LHPP: variants seen among roughly 807,000 people sequenced by gnomAD.
LHPP encodes phospholysine phosphohistidine inorganic pyrophosphate phosphatase, also known as hLHPP.
LHPP carries 24 observed loss-of-function variants against 30.3 expected under a neutral mutation model. The observed-to-expected ratio is 0.79, with a 90% confidence interval of 0.57 to 1.11. The LOEUF is 1.11. Ranked by LOEUF, LHPP falls within the 50% of genes most tolerant of loss-of-function variation. The pLI is 0.00. For synonymous variants in LHPP, 150 were observed against 157.1 expected (o/e 0.95, Z 0.34); for missense variants, 356 against 367.2 (o/e 0.97, Z 0.25).
chr10:124,496,460 C>T lies in LHPP; in HGVS notation c.468-501C>T, dbSNP rs186959315. ...CATCTGGCGCCCATGAAACCTGGCA[C>T]CTCGCTTGACCTCCGGCTAACGGGA... On this transcript the variant is annotated intron_variant, in intron 3 of 6. Coordinates refer to ENST00000368842, the MANE Select transcript of LHPP (RefSeq NM_022126.4). The surrounding 1 kb of genome is among the most constrained non-coding windows in gnomAD (Gnocchi z 4.3). Among the ~76,000 whole-genome samples the T allele has an allele frequency of 6.6e-6, 1 of 152,322 alleles. No individual in the cohort carries two copies. Among genetic ancestry groups the T allele is most frequent in the Admixed American group, 6.5e-5 (1 of 15,304 alleles).
rs1953723585 is a variant in LHPP at position 124,496,758 on chromosome 10, C to T, written c.468-203C>T. 6.6e-6 allele frequency among the ~76,000 whole-genome samples: 1 copy of T among 152,242 alleles called. No individual in the cohort carries two copies. Among genetic ancestry groups the T allele is most frequent in the Admixed American group, 6.5e-5 (1 of 15,286 alleles). On this transcript the variant is annotated intron_variant, in intron 3 of 6. Coordinates refer to ENST00000368842, the MANE Select transcript of LHPP (RefSeq NM_022126.4). The surrounding 1 kb of genome is among the most constrained non-coding windows in gnomAD (Gnocchi z 4.3). ...TGGAGCTGCTGGCTGCTGCGCTCGC[C>T]CCACTGGGTGTGGCGGCCTGCCGCC...
chr10:124,585,634 G>GA (rs1413530633), intron 6 of LHPP, among the ~76,000 whole-genome samples: 2 of 150,234 alleles, frequency 1.3e-5, no homozygotes. Flanking sequence ...AAAAGAAAAA[G>GA]AAAAAAAAGA....
chr10:124,491,491 C>A (rs1157419681), intron 3 of LHPP, among the ~76,000 whole-genome samples: 1 of 152,160 alleles, frequency 6.6e-6, no homozygotes, highest in African/African-American at 2.4e-5. Flanking sequence ...GTTGTTGAAG[C>A]CACAGGAGAT....
At chr10:124,562,235 A>G (rs1009305190) in intron 6 of LHPP, among the ~76,000 whole-genome samples, 6 of 152,184 alleles carry the variant, frequency 3.9e-5, no homozygotes, top group Non-Finnish European at 7.3e-5. Context: ...TGAGCCTGAA[A>G]GGTCAAGGTT....
At chr10:124,503,147 AC>A (rs1171438933) in intron 5 of LHPP, among the ~76,000 whole-genome samples, 1 of 146,290 alleles carries the variant, frequency 6.8e-6, no homozygotes, top group Non-Finnish European at 1.5e-5. Context: ...GCTCACCACA[AC>A]CCCCTCCTCC....
At chr10:124,569,249 C>T (rs899158239) in intron 6 of LHPP, among the ~76,000 whole-genome samples, 3 of 152,168 alleles carry the variant, frequency 2.0e-5, no homozygotes, top group Non-Finnish European at 4.4e-5. Context: ...GGCCCAGGCT[C>T]TAGCAAAAGT....
chr10:124,524,182 G>A (rs893948513), intron 6 of LHPP, among the ~76,000 whole-genome samples: 11 of 151,508 alleles, frequency 7.3e-5, no homozygotes, highest in African/African-American at 2.2e-4. Context: ...GCCTCAAATC[G>A]TTTAGCTATT....
In LHPP at chr10:124,461,839, A is replaced by G. The variant is rs548914995; in HGVS notation, c.-24A>G. ...GGCGCCGGCGTCGGTTGGGACGCGG[A>G]GCTGAGGAGCAGGGCCGGGCGCCAT... On this transcript the variant is annotated 5_prime_UTR_variant, in exon 1 of 7. Transcript: ENST00000368842. 1.9e-5 allele frequency: 23 copies of G among 1,232,370 alleles called. No homozygotes were observed. In the South Asian group the frequency reaches 6.4e-4, roughly 34 times the overall value. The allele number at this position is 1,232,370 out of a possible 1,614,324, so 76.3% of individuals were successfully genotyped here. A position where few individuals can be genotyped will look rare whatever the true frequency, so the allele number is the denominator to read the frequency against.
Position 124,516,569 on chromosome 10 carries a change from G to A in LHPP, c.625-611G>A, listed in dbSNP as rs77416104. Reference sequence around the variant, plus strand: ...CATTGTCCTTCGTTGCTTGATGTCCGGTGTCCTGAAAGCTGTTGGTTCATA... The same window carrying A: ...CATTGTCCTTCGTTGCTTGATGTCCAGTGTCCTGAAAGCTGTTGGTTCATA... On this transcript the variant is annotated intron_variant, in intron 5 of 6. Coordinates refer to ENST00000368842, the MANE Select transcript of LHPP (RefSeq NM_022126.4). Among the ~76,000 whole-genome samples the A allele has an allele frequency of 3.6e-3, 553 of 152,196 alleles. 3 individuals are homozygous for A. Among genetic ancestry groups the A allele is most frequent in the African/African-American group, 0.012 (487 of 41,494 alleles).
At chr10:124,536,412 G>C (rs1026705498) in intron 6 of LHPP, among the ~76,000 whole-genome samples, 1 of 152,210 alleles carries the variant, frequency 6.6e-6, no homozygotes, top group Non-Finnish European at 1.5e-5. Flanking sequence ...GGCCACCCCA[G>C]CCAGGCTGGA....
At chr10:124,584,465 T>C (rs57330369) in intron 6 of LHPP, among the ~76,000 whole-genome samples, 40,121 of 151,782 alleles carry the variant, frequency 0.26, 5,412 homozygotes, top group South Asian at 0.35. Flanking sequence ...GTCTGGTGAG[T>C]GCTACTCTGT....
chr10:124,543,107 G>A (rs1210859386), intron 6 of LHPP, among the ~76,000 whole-genome samples: 5 of 152,236 alleles, frequency 3.3e-5, no homozygotes, highest in African/African-American at 1.2e-4. Flanking sequence ...CTGTCAGGGG[G>A]CTGGATACCT....
Position 124,596,916 on chromosome 10 carries a change from CGG to C in LHPP, c.717-16347_717-16346del, listed in dbSNP as rs1948950488. Among the ~76,000 whole-genome samples, 1 of 152,158 alleles carries C rather than the reference CGG, an allele frequency of 6.6e-6. No homozygotes were observed. Among genetic ancestry groups the C allele is most frequent in the Admixed American group, 6.5e-5 (1 of 15,280 alleles). On this transcript the variant is annotated intron_variant, in intron 6 of 6. Coordinates refer to ENST00000368842, the MANE Select transcript of LHPP (RefSeq NM_022126.4). The surrounding 1 kb of genome is among the most constrained non-coding windows in gnomAD (Gnocchi z 4.6). ...TGCCAGAGGAGACTGACTTTTGAGTCGGTGGACCGGGTGACGGAGACCCACCC... is the reference window on the plus strand; with the variant it reads ...TGCCAGAGGAGACTGACTTTTGAGTCTGGACCGGGTGACGGAGACCCACCC...
At chr10:124,470,746 C>T (rs1348711385) in intron 1 of LHPP, among the ~76,000 whole-genome samples, 1 of 152,156 alleles carries the variant, frequency 6.6e-6, no homozygotes, top group Non-Finnish European at 1.5e-5. Context: ...ATCCAACCCC[C>T]ACACGCGGTG....
Position 124,461,879 on chromosome 10 carries a change from A to G in LHPP, c.17A>G (p.Lys6Arg). 8.0e-7 allele frequency: 1 copy of G among 1,257,748 alleles called. No homozygotes were observed. The highest frequency in any genetic ancestry group is 1.0e-6 in the Non-Finnish European group (1 of 997,998). The allele number at this position is 1,257,748 out of a possible 1,614,324, so 77.9% of individuals were successfully genotyped here. A position where few individuals can be genotyped will look rare whatever the true frequency, so the allele number is the denominator to read the frequency against. ...CCGGGCGCCATGGCACCGTGGGGCAAGCGGCTGGCTGGCGTGCGCGGGGTG... is the reference window on the plus strand; with the variant it reads ...CCGGGCGCCATGGCACCGTGGGGCAGGCGGCTGGCTGGCGTGCGCGGGGTG... Reference protein sequence around the residue: MAPWGKRLAGVRGVLL... With the variant: MAPWGRRLAGVRGVLL... Residue 6 changes from lysine to arginine, a missense_variant, in exon 1 of 7, where the codon AAG becomes AGG. Lys to Arg is a conservative substitution (Grantham distance 26). Transcript: ENST00000368842.
intron 3 of LHPP, among the ~76,000 whole-genome samples, chr10:124,491,205 A>G (rs1255442293): frequency 6.6e-6 from 1 of 152,246 alleles, no homozygotes; most frequent in African/African-American, 2.4e-5. Flanking sequence ...CCAGGGTTGC[A>G]AGGACACTTT....
At chr10:124,499,451 C>T (rs1372553059) in intron 5 of LHPP, among the ~76,000 whole-genome samples, 1 of 151,744 alleles carries the variant, frequency 6.6e-6, no homozygotes, top group Non-Finnish European at 1.5e-5. Context: ...TGAGACCAGC[C>T]TGGCCAATGT....
chr10:124,604,086 T>C (rs12779301), intron 6 of LHPP, among the ~76,000 whole-genome samples: 97,940 of 152,112 alleles, frequency 0.64, 31,814 homozygotes, highest in African/African-American at 0.65. Context: ...ACAGGCTCCA[T>C]GGGAAGGAGC....
intron 6 of LHPP, among the ~76,000 whole-genome samples, chr10:124,571,749 G>C (rs145784488): frequency 2.0e-5 from 3 of 152,016 alleles, no homozygotes; most frequent in African/African-American, 7.2e-5. Flanking sequence ...CCAGCACCAC[G>C]CTGGTCCTCA....
Sources: gnomAD v4.1 joint callset for allele counts (sites outside exome capture counted in the v4.1 genomes callset) on GRCh38, gnomAD v4.1.1 for gene constraint, Gnocchi (gnomAD v3.1) non-coding constraint, MANE v1.5 for transcripts, NCBI Gene and HGNC (gene_info 2026-07-23, HGNC 2026-07-21) for gene names.